KIF26B: variants seen among roughly 807,000 people sequenced by gnomAD.
KIF26B encodes kinesin family member 26B, also known as kinesin-like protein KIF26B.
Under a neutral mutation model 151.2 loss-of-function variants are expected in KIF26B, and 63 were observed. The observed-to-expected ratio is 0.42, with a 90% CI of 0.34 to 0.51. The LOEUF (loss-of-function observed/expected upper bound fraction) is 0.51. Ranked by LOEUF, KIF26B falls within the 20% of genes least tolerant of loss-of-function variation. The probability of loss-of-function intolerance (pLI) is 0.07; values close to 1 mark genes in which losing one functional copy is unlikely to be tolerated. For synonymous variants in KIF26B, 1,357 were observed against 1,262.1 expected, an observed-to-expected ratio of 1.08 and a Z score of -1.59; for missense variants, 2,813 against 2,913.6, an observed-to-expected ratio of 0.97 and a Z score of 0.79.
chr1:245,352,357 A>T lies in KIF26B; in HGVS notation c.466-14477A>T, dbSNP rs1672585788. 6.6e-6 allele frequency among the ~76,000 whole-genome samples: 1 copy of T among 152,156 alleles called. No homozygotes were observed. Among genetic ancestry groups the T allele is most frequent in the South Asian group, 2.1e-4 (1 of 4,826 alleles). ...CAGCTCACTGCAACCTCCGCCTCCCAGGCTCAAGCAATTCTCCTGCCTCAG... is the reference window on the plus strand; with the variant it reads ...CAGCTCACTGCAACCTCCGCCTCCCTGGCTCAAGCAATTCTCCTGCCTCAG... On this transcript the variant is annotated intron_variant, in intron 2 of 14. Coordinates refer to ENST00000407071, the MANE Select transcript of KIF26B (RefSeq NM_018012.4). This position sits in a 1 kb window ranked among gnomAD's most constrained non-coding sequence, Gnocchi z 5.0.
At chr1:245,520,595 T>TCCAC (rs1159894306) in intron 4 of KIF26B, among the ~76,000 whole-genome samples, 5 of 116,400 alleles carry the variant, frequency 4.3e-5, no homozygotes, top group Non-Finnish European at 3.7e-5. Context: ...CATCCATCCA[T>TCCAC]CCATCCACCC....
chr1:245,254,340 A>G (rs1413457036), intron 2 of KIF26B, among the ~76,000 whole-genome samples: 8 of 151,876 alleles, frequency 5.3e-5, no homozygotes, highest in Non-Finnish European at 1.2e-4. Flanking sequence ...ACCCAGAACT[A>G]CTCAGGCGTT....
chr1:245,209,577 C>G (rs1204552610), intron 2 of KIF26B, among the ~76,000 whole-genome samples: 1 of 152,132 alleles, frequency 6.6e-6, no homozygotes, highest in African/African-American at 2.4e-5. Flanking sequence ...AGAGGTGTTT[C>G]TTTTCCCTGG....
rs546499309 is a variant in KIF26B, at chr1:245,703,966, T to G, written c.*1360T>G. 11 of 152,252 alleles carry G rather than the reference T, an allele frequency of 7.2e-5. No homozygotes were observed. The highest frequency in any genetic ancestry group is 1.6e-4 in the Non-Finnish European group (11 of 68,058). The allele number at this position is 152,252 out of a possible 1,614,324, so 9.4% of individuals were successfully genotyped here. On this transcript the variant is annotated 3_prime_UTR_variant, in exon 15 of 15. Transcript: ENST00000407071. The stretch of plus-strand genomic sequence containing the variant: ...AGAACATAGCTGAAGACTATGGATG[T>G]CCAGGTCTTGGCTCCCAACAACTCA...
At chr1:245,642,064 A>G (rs1342273627) in intron 9 of KIF26B, among the ~76,000 whole-genome samples, 1 of 152,210 alleles carries the variant, frequency 6.6e-6, no homozygotes, top group Admixed American at 6.5e-5. Flanking sequence ...TGAGTCTCAC[A>G]ATGGCTTTCT....
chr1:245,209,124 G>A (rs1477101293), intron 2 of KIF26B, among the ~76,000 whole-genome samples: 1 of 152,186 alleles, frequency 6.6e-6, no homozygotes, highest in Non-Finnish European at 1.5e-5. Context: ...AACAGGCCAG[G>A]CGCAGTGGCT....
chr1:245,480,808 A>G (rs969040057), intron 4 of KIF26B, among the ~76,000 whole-genome samples: 2 of 150,922 alleles, frequency 1.3e-5, no homozygotes, highest in African/African-American at 2.4e-5. Flanking sequence ...AGAGAGAGAA[A>G]TGTTTAAAGT....
intron 9 of KIF26B, 53 bp downstream of exon 9, chr1:245,612,029 G>A: frequency 6.5e-7 from 1 of 1,548,084 alleles, no homozygotes; most frequent in Non-Finnish European, 8.9e-7. Context: ...GCCCCAGCCA[G>A]AAATCCCTTG....
intron 2 of KIF26B, among the ~76,000 whole-genome samples, chr1:245,172,525 C>T (rs1174019583): frequency 6.6e-6 from 1 of 152,112 alleles, no homozygotes; most frequent in Non-Finnish European, 1.5e-5. Flanking sequence ...AAGTGGGTGG[C>T]CCAGCTGGGC....
chr1:245,238,347 T>C (rs1670152277), intron 2 of KIF26B, among the ~76,000 whole-genome samples: 1 of 151,966 alleles, frequency 6.6e-6, no homozygotes, highest in South Asian at 2.1e-4. Flanking sequence ...AAAAAAAGAA[T>C]ATTGTCATTT....
intron 2 of KIF26B, among the ~76,000 whole-genome samples, chr1:245,287,387 G>A (rs1671180551): frequency 6.7e-6 from 1 of 150,374 alleles, no homozygotes; most frequent in African/African-American, 2.4e-5. Flanking sequence ...GTTATTTCTA[G>A]TTTTTTGTAA....
intron 4 of KIF26B, among the ~76,000 whole-genome samples, chr1:245,443,051 TGGTCATCTCCCTCACTGTTCACCTAGAGC>T (rs1659152636): frequency 1.2e-4 from 3 of 24,792 alleles, no homozygotes; most frequent in Admixed American, 4.1e-4. Flanking sequence ...TCACCTAGAG[TGGTCATCTCCCTCACTGTTCACCTAGAGC>T]GGTCATCTCC....
chr1:245,520,956 A>G (rs1369638988), intron 4 of KIF26B, among the ~76,000 whole-genome samples: 1 of 152,172 alleles, frequency 6.6e-6, no homozygotes, highest in African/African-American at 2.4e-5. Context: ...GGTGTATTTT[A>G]GTTGGTGTGG....
chr1:245,703,587 A>AAATTCATATTCATTT lies in KIF26B; in HGVS notation c.*982_*996dup, dbSNP rs952841689. ...AAATCCACAGTTTGCGTGGCCCTCAAAATTCATATTCATTTTTATTCCAAA... is the reference window on the plus strand; with the variant it reads ...AAATCCACAGTTTGCGTGGCCCTCAAAATTCATATTCATTTAATTCATATTCATTTTTATTCCAAA... On this transcript the variant is annotated 3_prime_UTR_variant, in exon 15 of 15. Coordinates refer to ENST00000407071, the MANE Select transcript of KIF26B (RefSeq NM_018012.4). The AAATTCATATTCATTT allele has an allele frequency of 2.6e-5, 4 of 152,176 alleles. No individual in the cohort carries two copies. The highest frequency in any genetic ancestry group is 4.8e-5 in the African/African-American group (2 of 41,432). 9.4% of individuals were successfully genotyped at this position (152,176 alleles called of 1,614,324 possible).
chr1:245,586,158 A>T lies in KIF26B; in HGVS notation c.1351-16419A>T, dbSNP rs567492622. 6.4e-4 allele frequency among the ~76,000 whole-genome samples: 91 copies of T among 142,198 alleles called. 1 individual carries two copies. The South Asian group carries it at 6.7e-3, about 10-fold the overall frequency. 93.3% of individuals were successfully genotyped at this position (142,198 alleles called of 152,430 possible). On this transcript the variant is annotated intron_variant, in intron 5 of 14. Coordinates refer to ENST00000407071, the MANE Select transcript of KIF26B (RefSeq NM_018012.4). Reference sequence around the variant, plus strand: ...ACTATAGGCACACACCACCATGACCAGTGTGTGTGTGTGTGTGTGTGTGTG... The same window carrying T: ...ACTATAGGCACACACCACCATGACCTGTGTGTGTGTGTGTGTGTGTGTGTG...
chr1:245,193,740 C>T (rs1669147958), intron 2 of KIF26B, among the ~76,000 whole-genome samples: 2 of 152,198 alleles, frequency 1.3e-5, no homozygotes, highest in South Asian at 4.1e-4. Context: ...AGCCCATGTT[C>T]AAACCTGAGT....
At chr1:245,637,391 G>A (rs888843052) in intron 9 of KIF26B, among the ~76,000 whole-genome samples, 3 of 151,870 alleles carry the variant, frequency 2.0e-5, no homozygotes, top group African/African-American at 7.2e-5. Context: ...TGAGTTGTTT[G>A]AATTCCTCAT....
Position 245,550,962 on chromosome 1 carries a change from G to A in KIF26B, c.1350+10012G>A, listed in dbSNP as rs374514358. On this transcript the variant is annotated intron_variant, in intron 5 of 14. Coordinates refer to ENST00000407071, the MANE Select transcript of KIF26B (RefSeq NM_018012.4). ...TCAAGTTTGGGAAGCAGGACAAAGG[G>A]CCCTGGGGAATGCCTTAGCCCATGA... 1.3e-4 allele frequency among the ~76,000 whole-genome samples: 20 copies of A among 152,186 alleles called. 1 individual carries two copies. The highest frequency in any genetic ancestry group is 9.6e-4 in the East Asian group (5 of 5,192).
intron 9 of KIF26B, among the ~76,000 whole-genome samples, chr1:245,633,627 T>C (rs2043804634): frequency 6.6e-6 from 1 of 152,202 alleles, no homozygotes; most frequent in South Asian, 2.1e-4. Context: ...AGGGCCTGTC[T>C]AGTGGTGGTG....
Sources: gnomAD v4.1 joint callset for allele counts (sites outside exome capture counted in the v4.1 genomes callset) on GRCh38, gnomAD v4.1.1 for gene constraint, Gnocchi (gnomAD v3.1) non-coding constraint, MANE v1.5 for transcripts, NCBI Gene and HGNC (gene_info 2026-07-23, HGNC 2026-07-21) for gene names.